The following SMC3 variants were observed in gnomAD, a reference collection of about 807,000 sequenced individuals.
SMC3 encodes the protein structural maintenance of chromosomes 3, also known as structural maintenance of chromosomes protein 3.
Under a neutral mutation model 171.8 loss-of-function variants are expected in SMC3, and 20 were observed. That is an observed-to-expected ratio of 0.12 (90% CI 0.08 to 0.17). The LOEUF (loss-of-function observed/expected upper bound fraction) is 0.17. Among genes scored for constraint, SMC3 ranks in the 10% least tolerant of loss-of-function variants. The pLI is 1.00. For missense variants in SMC3, 543 were observed against 1,420.4 expected (o/e 0.38, Z 9.93); for synonymous variants, 464 against 451.1 (o/e 1.03, Z -0.36).
chr10:110,602,196 G>A lies in SMC3; in HGVS notation c.3105+18G>A, dbSNP rs750154544. ...TCAAACAGGTATGTTTCGCTTTGTA[G>A]TTAAAACATACACACAGAGGACAAA... On this transcript the variant is annotated intron_variant, in intron 25 of 28. Transcript: ENST00000361804. 2.5e-6 allele frequency: 4 copies of A among 1,593,982 alleles called. No individual in the cohort carries two copies. The highest frequency in any genetic ancestry group is 2.2e-5 in the East Asian group (1 of 44,686).
intron 11 of SMC3, 123 bp downstream of exon 11, chr10:110,583,671 A>G (rs1052443994): frequency 2.5e-6 from 3 of 1,220,070 alleles, no homozygotes; most frequent in African/African-American, 3.0e-5. Flanking sequence ...CGTTAGCATA[A>G]TTTGTACTCA....
chr10:110,594,342 T>A (rs1590564647), intron 18 of SMC3, among the ~76,000 whole-genome samples: 1 of 151,908 alleles, frequency 6.6e-6, no homozygotes, highest in South Asian at 2.1e-4. Context: ...TATAATTATT[T>A]AATGTATTCA....
Position 110,602,145 on chromosome 10 carries a change from G to T in SMC3, c.3072G>T (p.Arg1024=), listed in dbSNP as rs748366020. 3 of 1,613,556 alleles carry T rather than the reference G, an allele frequency of 1.9e-6. No homozygotes were observed. In the African/African-American group the frequency reaches 4.0e-5, roughly 22 times the overall value. The change falls in exon 25 of 29, where the codon CGG becomes CGT. Residue 1024 remains arginine (R), a synonymous_variant. Coordinates refer to ENST00000361804, the MANE Select transcript of SMC3 (RefSeq NM_005445.4). ...AACTGATGAATGTACTTGAACTTCG[G>T]AAATATGAAGCTATTCAGTTAACTT... ...IMELMNVLEL[R]KYEAIQLTFK... is the part of the protein sequence containing the mutation.
At chr10:110,581,621 A>C (rs575012444) in intron 8 of SMC3, among the ~76,000 whole-genome samples, 57 of 152,312 alleles carry the variant, frequency 3.7e-4, no homozygotes, top group Non-Finnish European at 6.6e-4. Flanking sequence ...GCTTTTCATA[A>C]TAAAGGATCT....
chr10:110,584,469 G>A (rs1861077927), intron 13 of SMC3, 73 bp downstream of exon 13: 5 of 1,084,396 alleles, frequency 4.6e-6, no homozygotes, highest in Non-Finnish European at 2.8e-6. Context: ...TCTACTTCAA[G>A]TTTTCTTTTT....
chr10:110,588,277 A>G (rs556478157), intron 13 of SMC3, among the ~76,000 whole-genome samples: 2 of 152,316 alleles, frequency 1.3e-5, no homozygotes, highest in South Asian at 4.1e-4. Context: ...GGTGTGAGCC[A>G]CCGCGCCCGG....
chr10:110,571,922 C>A (rs1860879118), intron 2 of SMC3, among the ~76,000 whole-genome samples: 2 of 152,178 alleles, frequency 1.3e-5, no homozygotes, highest in South Asian at 4.2e-4. Context: ...TTTAAAATTG[C>A]TATATAGTGT....
At position 110,596,432 on chromosome 10, in the gene SMC3, G is replaced by T; in HGVS notation, c.1998G>T (p.Gly666=). 1 of 1,613,920 alleles carries T rather than the reference G, an allele frequency of 6.2e-7. No individual in the cohort carries two copies. The highest frequency in any genetic ancestry group is 8.5e-7 in the Non-Finnish European group (1 of 1,179,940). ...DQVSHRGALT[G]GYYDTRKSRL... ...TCAGCCATCGGGGTGCTCTAACTGG[G>T]GGTTATTATGACACAAGGAAGTCTC... The change falls in exon 19 of 29, where the codon GGG becomes GGT. Residue 666 remains glycine, a synonymous_variant. Transcript: ENST00000361804.
chr10:110,584,670 A>G (rs1393996184), intron 13 of SMC3, among the ~76,000 whole-genome samples: 4 of 152,178 alleles, frequency 2.6e-5, no homozygotes, highest in African/African-American at 7.2e-5. Flanking sequence ...CTGTCACCCA[A>G]TCTGGAGTGC....
At position 110,591,064 on chromosome 10, in the gene SMC3, C is replaced by G. The variant is rs1034759589; in HGVS notation, c.1744C>G (p.Pro582Ala). ...ILMEFNKMNLPGEVTFLPLNK... is the reference protein window; with the variant it reads ...ILMEFNKMNLAGEVTFLPLNK... Reference sequence around the variant, plus strand: ...AATGGAGTTTAATAAAATGAATCTTCCTGGAGAGGTTACTTTTCTGCCTCT... The same window carrying G: ...AATGGAGTTTAATAAAATGAATCTTGCTGGAGAGGTTACTTTTCTGCCTCT... The change falls in exon 17 of 29, where the codon CCT (proline) becomes GCT (alanine). Residue 582 changes from proline to alanine, a missense_variant. Physicochemically the swap from Pro to Ala is conservative, Grantham distance 27. This residue lies in a region of SMC3 where 218 missense variants were observed against 509.6 expected (regional missense o/e 0.43). Coordinates refer to ENST00000361804, the MANE Select transcript of SMC3 (RefSeq NM_005445.4). 6.2e-7 allele frequency: 1 copy of G among 1,613,362 alleles called. No individual in the cohort carries two copies. The highest frequency in any genetic ancestry group is 8.5e-7 in the Non-Finnish European group (1 of 1,179,376).
At chr10:110,594,147 G>C (rs1411328949) in intron 18 of SMC3, among the ~76,000 whole-genome samples, 2 of 151,680 alleles carry the variant, frequency 1.3e-5, no homozygotes, top group East Asian at 3.9e-4. Flanking sequence ...AGTGTGGACT[G>C]CTTTGGCTGT....
intron 28 of SMC3, among the ~76,000 whole-genome samples, chr10:110,603,585 A>G (rs565663530): frequency 4.2e-4 from 64 of 152,348 alleles, no homozygotes; most frequent in African/African-American, 1.4e-3. Context: ...TATAGACTGC[A>G]TAGCTCTTCC....
In SMC3 at chr10:110,577,819, T is replaced by C; in HGVS notation, c.271-16T>C. 1.9e-6 allele frequency: 3 copies of C among 1,581,450 alleles called. No individual in the cohort carries two copies. Among genetic ancestry groups the C allele is most frequent in the Non-Finnish European group, 2.6e-6 (3 of 1,151,140 alleles). On this transcript the variant is annotated splice_polypyrimidine_tract_variant and intron_variant, in intron 5 of 28. Coordinates refer to ENST00000361804, the MANE Select transcript of SMC3 (RefSeq NM_005445.4). ...TTACTATTAAATTAACTGTGGGCTTTTACATTTTTTCTTAGATCGATAAAG... is the reference window on the plus strand; with the variant it reads ...TTACTATTAAATTAACTGTGGGCTTCTACATTTTTTCTTAGATCGATAAAG...
rs1381326607 is a variant in SMC3 at position 110,568,094 on chromosome 10, AG to A, written c.15+266del. ...AGGCAGGATCTCCGAGAGGTGTGGA[AG>A]GGCCGGCGGGCGGGCCGCTGGGAGG... On this transcript the variant is annotated intron_variant, in intron 1 of 28. Coordinates refer to ENST00000361804, the MANE Select transcript of SMC3 (RefSeq NM_005445.4). Among the ~76,000 whole-genome samples the A allele has an allele frequency of 2.0e-5, 3 of 151,944 alleles. No individual in the cohort carries two copies. In the East Asian group the frequency reaches 5.8e-4, roughly 29 times the overall value.
Position 110,590,426 on chromosome 10 carries a change from A to G in SMC3, c.1524A>G (p.Gly508=). 1 of 1,613,994 alleles carries G rather than the reference A, an allele frequency of 6.2e-7. No homozygotes were observed. Among genetic ancestry groups the G allele is most frequent in the Non-Finnish European group, 8.5e-7 (1 of 1,179,862 alleles). The change falls in exon 16 of 29, where the codon GGA becomes GGG. Residue 508 remains glycine, a synonymous_variant. Transcript: ENST00000361804. ...ACAACTTACAGGCCATTTTAAATGG[A>G]ATAGACAGCATAAACAAAGTGCTAG... The part of the protein sequence containing the change: ...RAATGKAILN[G]IDSINKVLDH...
intron 1 of SMC3, chr10:110,568,205 C>T (rs1026164980): frequency 2.3e-5 from 8 of 349,666 alleles, no homozygotes; most frequent in Admixed American, 1.8e-4. Flanking sequence ...TGTGGTCCTG[C>T]AGGGGTGGCC....
In SMC3 at chr10:110,601,376, G is replaced by A. The variant is rs74881943; in HGVS notation, c.2644+246G>A. Among the ~76,000 whole-genome samples the A allele has an allele frequency of 1.4e-3, 220 of 152,160 alleles. 1 individual carries two copies. The highest frequency in any genetic ancestry group is 5.2e-3 in the African/African-American group (214 of 41,526). On this transcript the variant is annotated intron_variant, in intron 23 of 28. Coordinates refer to ENST00000361804, the MANE Select transcript of SMC3 (RefSeq NM_005445.4). ...GTTGATAAAATATGAAATACCTGAC[G>A]AAAGTTTCTCATCACTTAGTTGTTA...
At position 110,583,544 on chromosome 10, in the gene SMC3, A is replaced by G. The variant is rs779885552; in HGVS notation, c.965A>G (p.Gln322Arg). The G allele has an allele frequency of 1.2e-6, 2 of 1,614,018 alleles. No homozygotes were observed. Among genetic ancestry groups the G allele is most frequent in the Non-Finnish European group, 8.5e-7 (1 of 1,179,924 alleles). Residue 322 changes from glutamine (Q) to arginine (R), a missense_variant, in exon 11 of 29, where the codon CAA becomes CGA. Physicochemically the swap from Gln to Arg is conservative, Grantham distance 43 (BLOSUM62 1). Coordinates refer to ENST00000361804, the MANE Select transcript of SMC3 (RefSeq NM_005445.4). ...LQDELAGNSEQRKRLLKERQK... is the reference protein window; with the variant it reads ...LQDELAGNSERRKRLLKERQK... Reference sequence around the variant, plus strand: ...GATGAACTAGCAGGCAATAGTGAACAAAGGGTAAGTTAAAATGCTAAAAAT... The same window carrying G: ...GATGAACTAGCAGGCAATAGTGAACGAAGGGTAAGTTAAAATGCTAAAAAT...
At position 110,567,838 on chromosome 10, in the gene SMC3, C is replaced by A. The variant is rs776623447; in HGVS notation, c.15+7C>A. ...AATCATGTACATAAAGCAGGTAAGG[C>A]CTTCGCGTCCCTCCACCCCGTCATG... On this transcript the variant is annotated splice_region_variant and intron_variant, in intron 1 of 28. Coordinates refer to ENST00000361804, the MANE Select transcript of SMC3 (RefSeq NM_005445.4). 2.5e-6 allele frequency: 4 copies of A among 1,613,328 alleles called. No individual in the cohort carries two copies. The African/African-American group carries it at 5.3e-5, about 22-fold the overall frequency.
Sources: gnomAD v4.1 joint callset for allele counts (sites outside exome capture counted in the v4.1 genomes callset) on GRCh38, gnomAD v4.1.1 for gene constraint, gnomAD v4.1.1 regional missense constraint, MANE v1.5 for transcripts, NCBI Gene and HGNC (gene_info 2026-07-23, HGNC 2026-07-21) for gene names.